Variants in KDM2A observed in about 807,000 individuals in gnomAD.
The protein encoded by KDM2A is lysine-specific demethylase 2A.
A neutral mutation model predicts 137.3 loss-of-function variants in KDM2A; 3 were observed. That is an observed-to-expected ratio of 0.02 (90% CI 0.01 to 0.06). The LOEUF is 0.06. Ranked by LOEUF, KDM2A falls within the 10% of genes least tolerant of loss-of-function variation. The pLI, the probability that KDM2A is intolerant of heterozygous loss-of-function variation, is 1.00. For synonymous variants in KDM2A, 512 were observed against 541.5 expected (o/e 0.95, Z 0.76); for missense variants, 738 against 1,510.6 (o/e 0.49, Z 8.48).
chr11:67,177,202 G>T (rs140049460), intron 2 of KDM2A, among the ~76,000 whole-genome samples: 5,908 of 152,130 alleles, frequency 0.039, 455 homozygotes, highest in Admixed American at 0.18. Context: ...GGAGGTGGAG[G>T]TTGCAGAGAG....
Position 67,255,077 on chromosome 11 carries a change from A to T in KDM2A, c.*22A>T, listed in dbSNP as rs1297772560. On this transcript the variant is annotated 3_prime_UTR_variant, in exon 21 of 21. Transcript: ENST00000529006. The stretch of plus-strand genomic sequence containing the variant: ...CTAAGACACACCCAGCCCAGATTCA[A>T]CAGGAAACCGATCTTCCCCTGACTC... The T allele has an allele frequency of 6.3e-7, 1 of 1,595,762 alleles. No homozygotes were observed. The highest frequency in any genetic ancestry group is 8.5e-7 in the Non-Finnish European group (1 of 1,171,150).
At chr11:67,238,648 T>C (rs1858938267) in intron 12 of KDM2A, among the ~76,000 whole-genome samples, 1 of 152,134 alleles carries the variant, frequency 6.6e-6, no homozygotes, top group South Asian at 2.1e-4. Context: ...CTCCAGACTT[T>C]AGAAAGCCTA....
At chr11:67,147,658 T>C (rs1371025134) in intron 2 of KDM2A, among the ~76,000 whole-genome samples, 1 of 151,626 alleles carries the variant, frequency 6.6e-6, no homozygotes, top group Non-Finnish European at 1.5e-5. Context: ...CTCTGGAGAC[T>C]GAGTAGTTCC....
intron 5 of KDM2A, among the ~76,000 whole-genome samples, chr11:67,204,193 GT>G (rs1214267306): frequency 1.3e-5 from 2 of 152,006 alleles, no homozygotes; most frequent in Non-Finnish European, 2.9e-5. Context: ...TAACCATTAC[GT>G]TTTTTTCTTT....
Position 67,254,316 on chromosome 11 carries a change from C to T in KDM2A, c.3205C>T (p.Leu1069Phe). ...IIRHMPLLSR[L>F]DLSHCSHLTD... Reference sequence around the variant, plus strand: ...TCGCCACATGCCCCTCCTGTCTCGACTCGACCTCAGTCACTGCAGCCACCT... The same window carrying T: ...TCGCCACATGCCCCTCCTGTCTCGATTCGACCTCAGTCACTGCAGCCACCT... The change falls in exon 20 of 21, where the codon CTC becomes TTC. Residue 1069 changes from leucine (L) to phenylalanine (F), a missense_variant. Physicochemically the swap from Leu to Phe is conservative, Grantham distance 22. Transcript: ENST00000529006. This position sits in a 1 kb window ranked among gnomAD's most constrained non-coding sequence, Gnocchi z 4.7. The T allele has an allele frequency of 6.2e-7, 1 of 1,614,068 alleles. No homozygotes were observed. Among genetic ancestry groups the T allele is most frequent in the Non-Finnish European group, 8.5e-7 (1 of 1,179,898 alleles).
intron 2 of KDM2A, among the ~76,000 whole-genome samples, chr11:67,157,086 G>T (rs965960872): frequency 1.6e-4 from 25 of 152,048 alleles, no homozygotes; most frequent in African/African-American, 6.0e-4. Flanking sequence ...GGCCGAGAAG[G>T]GCCGATCACG....
At chr11:67,247,422 C>CTTT (rs56012601) in intron 15 of KDM2A, among the ~76,000 whole-genome samples, 1,417 of 84,472 alleles carry the variant, frequency 0.017, 63 homozygotes, top group African/African-American at 0.025. Flanking sequence ...GCATTACAAT[C>CTTT]TTTTTTTTTT....
At chr11:67,171,422 TAGA>T (rs1856880224) in intron 2 of KDM2A, among the ~76,000 whole-genome samples, 1 of 152,240 alleles carries the variant, frequency 6.6e-6, no homozygotes, top group African/African-American at 2.4e-5. Flanking sequence ...ATTCAGAGTG[TAGA>T]AGACTTTATT....
At chr11:67,160,607 A>G (rs1424441814) in intron 2 of KDM2A, among the ~76,000 whole-genome samples, 2 of 152,142 alleles carry the variant, frequency 1.3e-5, no homozygotes, top group Non-Finnish European at 2.9e-5. Context: ...CTCCGTCTCT[A>G]CTAAAAATAC....
chr11:67,149,815 G>T (rs1856344668), intron 2 of KDM2A, among the ~76,000 whole-genome samples: 2 of 150,896 alleles, frequency 1.3e-5, no homozygotes, highest in African/African-American at 4.9e-5. Context: ...CGGCCTCCCA[G>T]GTTCAAGTGA....
chr11:67,255,400 T>A lies in KDM2A; in HGVS notation c.*345T>A. ...TCATCTGCACTGGGCCCTGTGCCCCTCCTCCCCATCCATGGTCCCCAGCAG... is the reference window on the plus strand; with the variant it reads ...TCATCTGCACTGGGCCCTGTGCCCCACCTCCCCATCCATGGTCCCCAGCAG... On this transcript the variant is annotated 3_prime_UTR_variant, in exon 21 of 21. Transcript: ENST00000529006. The A allele has an allele frequency of 2.1e-6, 1 of 466,346 alleles. No homozygotes were observed. Among genetic ancestry groups the A allele is most frequent in the Middle Eastern group, 3.5e-4 (1 of 2,840 alleles). 28.9% of individuals were successfully genotyped at this position (466,346 alleles called of 1,614,324 possible).
chr11:67,174,280 C>A (rs935582436), intron 2 of KDM2A, among the ~76,000 whole-genome samples: 1 of 152,040 alleles, frequency 6.6e-6, no homozygotes, highest in Non-Finnish European at 1.5e-5. Context: ...GAAACCGTTT[C>A]CTAAAAACAG....
intron 2 of KDM2A, among the ~76,000 whole-genome samples, chr11:67,175,459 A>C (rs551048129): frequency 1.3e-5 from 2 of 152,296 alleles, no homozygotes; most frequent in East Asian, 1.9e-4. Flanking sequence ...CACACACGTA[A>C]TTTTCACACT....
At chr11:67,247,074 T>TATATATAA in intron 15 of KDM2A, among the ~76,000 whole-genome samples, 1 of 56,840 alleles carries the variant, frequency 1.8e-5, no homozygotes, top group African/African-American at 9.1e-5. Flanking sequence ...TATATATATT[T>TATATATAA]TTTTTTTTTT....
intron 2 of KDM2A, among the ~76,000 whole-genome samples, chr11:67,130,647 T>C (rs1219383221): frequency 6.6e-6 from 1 of 152,120 alleles, no homozygotes; most frequent in East Asian, 1.9e-4. Flanking sequence ...TTTGGGGGGG[T>C]AACGGACACT....
At chr11:67,200,365 G>T (rs570607108) in intron 5 of KDM2A, among the ~76,000 whole-genome samples, 1 of 152,002 alleles carries the variant, frequency 6.6e-6, no homozygotes, top group Non-Finnish European at 1.5e-5. Context: ...ACAGGCGTCC[G>T]CCACCACGTC....
intron 5 of KDM2A, among the ~76,000 whole-genome samples, chr11:67,186,855 C>G (rs1248470181): frequency 6.6e-6 from 1 of 152,076 alleles, no homozygotes; most frequent in African/African-American, 2.4e-5. Context: ...ATTGCTTGAA[C>G]CCAGGAATTC....
In KDM2A at chr11:67,246,132, AG is replaced by A. The variant is rs780460580; in HGVS notation, c.1965+20del. Reference sequence around the variant, plus strand: ...CTGCCTCCAGGTGAGGAGAGCTATGAGGGGTTCCTGAAGTCTCAGCTAATGG... The same window carrying A: ...CTGCCTCCAGGTGAGGAGAGCTATGAGGGTTCCTGAAGTCTCAGCTAATGG... On this transcript the variant is annotated intron_variant, in intron 15 of 20. Transcript: ENST00000529006. The A allele has an allele frequency of 6.2e-7, 1 of 1,613,274 alleles. No homozygotes were observed. The highest frequency in any genetic ancestry group is 1.7e-5 in the Admixed American group (1 of 60,014).
chr11:67,138,978 T>A (rs968171163), intron 2 of KDM2A, among the ~76,000 whole-genome samples: 14 of 152,230 alleles, frequency 9.2e-5, no homozygotes, highest in African/African-American at 2.9e-4. Flanking sequence ...TCTTCATATT[T>A]CCTGCCAGTT....
Sources: gnomAD v4.1 joint callset for allele counts (sites outside exome capture counted in the v4.1 genomes callset) on GRCh38, gnomAD v4.1.1 for gene constraint, Gnocchi (gnomAD v3.1) non-coding constraint, MANE v1.5 for transcripts, NCBI Gene and HGNC (gene_info 2026-07-23, HGNC 2026-07-21) for gene names.